The following PTPRM variants were observed in gnomAD, a reference collection of about 807,000 sequenced individuals.
PTPRM encodes the protein receptor-type tyrosine-protein phosphatase mu.
A neutral mutation model predicts 186.7 loss-of-function variants in PTPRM; 47 were observed. That is an observed-to-expected ratio of 0.25 (90% CI 0.20 to 0.32). PTPRM has a LOEUF of 0.32. Among genes scored for constraint, PTPRM ranks in the 10% least tolerant of loss-of-function variants. The probability of loss-of-function intolerance (pLI) is 1.00; values close to 1 mark genes in which losing one functional copy is unlikely to be tolerated. For missense variants in PTPRM, 1,494 were observed against 1,865.0 expected (o/e 0.80, Z 3.66); for synonymous variants, 668 against 674.9 (o/e 0.99, Z 0.16).
At chr18:7,639,544 G>A (rs1169516567) in intron 1 of PTPRM, among the ~76,000 whole-genome samples, 4 of 151,326 alleles carry the variant, frequency 2.6e-5, no homozygotes, top group African/African-American at 4.9e-5. Flanking sequence ...CTGCCACCAC[G>A]CCTGGCTGAT....
At chr18:7,791,364 C>A (rs1297120470) in intron 2 of PTPRM, among the ~76,000 whole-genome samples, 1 of 152,130 alleles carries the variant, frequency 6.6e-6, no homozygotes, top group African/African-American at 2.4e-5. Flanking sequence ...ATAAATCTCA[C>A]AATGTCAGTA....
At chr18:7,989,121 T>C (rs979323189) in intron 7 of PTPRM, among the ~76,000 whole-genome samples, 3 of 152,206 alleles carry the variant, frequency 2.0e-5, no homozygotes, top group African/African-American at 7.2e-5. Context: ...ATATTTGTTT[T>C]TGTGGCTATT....
At chr18:8,164,285 G>A (rs980984383) in intron 14 of PTPRM, among the ~76,000 whole-genome samples, 1 of 152,120 alleles carries the variant, frequency 6.6e-6, no homozygotes, top group African/African-American at 2.4e-5. Flanking sequence ...AGTGAAAAAG[G>A]TTCTATGCTG....
intron 7 of PTPRM, among the ~76,000 whole-genome samples, chr18:8,014,544 T>C (rs2084740883): frequency 6.6e-6 from 1 of 152,216 alleles, no homozygotes; most frequent in African/African-American, 2.4e-5. Context: ...AATTGCCTTT[T>C]ATGGATACAT....
At chr18:8,196,873 C>T (rs1277594280) in intron 14 of PTPRM, among the ~76,000 whole-genome samples, 1 of 152,124 alleles carries the variant, frequency 6.6e-6, no homozygotes, top group South Asian at 2.1e-4. Flanking sequence ...GCCTAAAGTG[C>T]GTGGTGGGAT....
intron 23 of PTPRM, among the ~76,000 whole-genome samples, chr18:8,350,931 CG>C (rs11328106): frequency 0.79 from 120,757 of 152,088 alleles, 49,377 homozygotes; most frequent in Middle Eastern, 0.94. Context: ...TCTACACAGT[CG>C]CCTGCAGAGC....
At chr18:7,634,463 C>T (rs1892235291) in intron 1 of PTPRM, among the ~76,000 whole-genome samples, 1 of 152,216 alleles carries the variant, frequency 6.6e-6, no homozygotes, top group South Asian at 2.1e-4. Context: ...TCTTTGTCCC[C>T]ATGGCTGTGA....
intron 1 of PTPRM, among the ~76,000 whole-genome samples, chr18:7,725,368 A>G (rs9964890): frequency 0.39 from 58,621 of 151,922 alleles, 12,790 homozygotes; most frequent in East Asian, 0.83. Flanking sequence ...AGCCACCCCA[A>G]TGGGTATGAG....
At chr18:7,779,659 T>C (rs1000218367) in intron 2 of PTPRM, among the ~76,000 whole-genome samples, 3 of 152,106 alleles carry the variant, frequency 2.0e-5, no homozygotes, top group African/African-American at 7.2e-5. Flanking sequence ...TCTTAGAGAG[T>C]AACAAAGAGA....
intron 1 of PTPRM, among the ~76,000 whole-genome samples, chr18:7,676,565 A>G (rs1266628471): frequency 2.0e-5 from 3 of 151,966 alleles, no homozygotes; most frequent in African/African-American, 4.8e-5. Flanking sequence ...ACAGTTTGTC[A>G]AGGACAAATG....
At chr18:8,395,987 G>A (rs2095843469) in intron 32 of PTPRM, among the ~76,000 whole-genome samples, 1 of 152,254 alleles carries the variant, frequency 6.6e-6, no homozygotes, top group South Asian at 2.1e-4. Flanking sequence ...GTTGTAGAGA[G>A]TGTAGGAGTC....
intron 1 of PTPRM, among the ~76,000 whole-genome samples, chr18:7,599,829 C>T (rs1361745561): frequency 6.6e-6 from 1 of 152,194 alleles, no homozygotes; most frequent in Non-Finnish European, 1.5e-5. Flanking sequence ...GGACTGTGCA[C>T]TGTGCATTTG....
intron 1 of PTPRM, among the ~76,000 whole-genome samples, chr18:7,678,630 A>T (rs2039405607): frequency 6.6e-6 from 1 of 152,156 alleles, no homozygotes; most frequent in Non-Finnish European, 1.5e-5. Context: ...ATACATATGA[A>T]GTCCACCCCT....
intron 4 of PTPRM, among the ~76,000 whole-genome samples, chr18:7,924,812 C>G (rs541201380): frequency 2.9e-4 from 44 of 152,246 alleles, no homozygotes; most frequent in African/African-American, 9.6e-4. Flanking sequence ...AAAATTCCCG[C>G]AGGCAGACCC....
chr18:7,891,449 C>G, intron 3 of PTPRM, among the ~76,000 whole-genome samples: 1 of 151,718 alleles, frequency 6.6e-6, no homozygotes, highest in Non-Finnish European at 1.5e-5. Flanking sequence ...TGTTTTTCCT[C>G]CAGAAGGAAA....
intron 1 of PTPRM, among the ~76,000 whole-genome samples, chr18:7,696,624 A>G (rs2039850320): frequency 6.6e-6 from 1 of 152,242 alleles, no homozygotes; most frequent in Non-Finnish European, 1.5e-5. Context: ...GTTTGGTGGT[A>G]GACTGCTATT....
At chr18:8,331,386 A>C (rs1181484461) in intron 22 of PTPRM, among the ~76,000 whole-genome samples, 2 of 152,180 alleles carry the variant, frequency 1.3e-5, no homozygotes, top group Non-Finnish European at 2.9e-5. Context: ...TTGTTCTTAA[A>C]ATTTCTTCCA....
At chr18:8,144,368 T>C (rs73389727) in intron 14 of PTPRM, among the ~76,000 whole-genome samples, 6,338 of 152,208 alleles carry the variant, frequency 0.042, 297 homozygotes, top group African/African-American at 0.11. Flanking sequence ...AATCCCCGCA[T>C]TTTGGGAGGT....
intron 1 of PTPRM, among the ~76,000 whole-genome samples, chr18:7,617,409 A>C (rs1355889005): frequency 6.6e-6 from 1 of 152,146 alleles, no homozygotes; most frequent in Non-Finnish European, 1.5e-5. Context: ...CAGAAGTTAT[A>C]GTTATTTGTT....
Sources: gnomAD v4.1 joint callset for allele counts (sites outside exome capture counted in the v4.1 genomes callset) on GRCh38, gnomAD v4.1.1 for gene constraint, MANE v1.5 for transcripts, NCBI Gene and HGNC (gene_info 2026-07-23, HGNC 2026-07-21) for gene names.